TTC23L: variants seen among roughly 807,000 people sequenced by gnomAD.
The protein encoded by TTC23L is tetratricopeptide repeat protein 23-like.
In TTC23L, 42 loss-of-function variants were observed where a neutral mutation model predicts 48.1. The ratio of observed to expected loss-of-function variants is 0.87; its 90% CI spans 0.68 to 1.13. The LOEUF (loss-of-function observed/expected upper bound fraction) is 1.13, where lower values mean the gene tolerates loss of function less well. Among genes scored for constraint, TTC23L ranks in the 50% most tolerant of loss-of-function variants. The probability of loss-of-function intolerance (pLI) is 0.00; values close to 1 mark genes in which losing one functional copy is unlikely to be tolerated. For missense variants in TTC23L, 391 were observed against 421.0 expected (o/e 0.93, Z 0.62); for synonymous variants, 159 against 157.2 (o/e 1.01, Z -0.09).
chr5:34,908,979 T>G, the TTC23L span: 2 of 1,559,478 alleles, frequency 1.3e-6, no homozygotes, highest in African/African-American at 1.4e-5. Flanking sequence ...CGCTGTTATA[T>G]CAACACAGTG....
In TTC23L at chr5:34,896,692, T is replaced by G. The variant is rs1407805229; in HGVS notation, c.1078-78T>G. 4 of 738,534 alleles carry G rather than the reference T, an allele frequency of 5.4e-6. No individual in the cohort carries two copies. In the East Asian group the frequency reaches 1.0e-4, roughly 19 times the overall value. 45.7% of individuals were successfully genotyped at this position (738,534 alleles called of 1,614,324 possible). On this transcript the variant is annotated intron_variant, in intron 9 of 10. Coordinates refer to ENST00000505624, the Ensembl canonical transcript of TTC23L. ...TTAAGTTCTGGAATAGCATTCTCAG[T>G]GCAATGAAAGGAGAGACAATCTATG...
the TTC23L span, chr5:34,915,310 A>G: frequency 2.9e-5 from 8 of 272,098 alleles, no homozygotes; most frequent in Non-Finnish European, 7.0e-6. Context: ...GCGGGCCCGG[A>G]GTGTCCAGAT....
At chr5:34,883,254 A>C (rs993958862) in intron 9 of TTC23L, 1 of 159,682 alleles carries the variant, frequency 6.3e-6, no homozygotes, top group Non-Finnish European at 1.4e-5. Flanking sequence ...GAGAGCCTAC[A>C]TTGTTATCCA....
intron 4 of TTC23L, chr5:34,861,645 A>C (rs748518336): frequency 6.6e-6 from 1 of 152,228 alleles, no homozygotes; most frequent in African/African-American, 2.4e-5. Context: ...TGAGGGCTGC[A>C]GGTATCAAAG....
At position 34,867,307 on chromosome 5, in the gene TTC23L, C is replaced by T. The variant is rs1398012137; in HGVS notation, c.840+238C>T. 3 of 549,436 alleles carry T rather than the reference C, an allele frequency of 5.5e-6. No individual in the cohort carries two copies. In the African/African-American group the frequency reaches 5.7e-5, roughly 10 times the overall value. The allele number at this position is 549,436 out of a possible 1,614,324, so 34.0% of individuals were successfully genotyped here. On this transcript the variant is annotated intron_variant, in intron 7 of 10. Coordinates refer to ENST00000505624, the Ensembl canonical transcript of TTC23L. ...GTCATTGGCTGTGCAGACAGCACTT[C>T]CCCCTCCCCCTCTTATCTCTGTTGG...
chr5:34,859,806 T>C (rs999153559), intron 4 of TTC23L, among the ~76,000 whole-genome samples: 2 of 150,864 alleles, frequency 1.3e-5, no homozygotes, highest in African/African-American at 4.9e-5. Context: ...GCTTATACGT[T>C]TTTCTTTTTT....
the TTC23L span, chr5:34,913,428 T>A: frequency 8.5e-7 from 1 of 1,182,380 alleles, no homozygotes; most frequent in Middle Eastern, 2.4e-4. Context: ...TTCTGACCAC[T>A]ATGTATAACA....
At chr5:34,904,222 G>A (rs1324803518), downstream of TTC23L, among the ~76,000 whole-genome samples, 11 of 151,220 alleles carry the variant, frequency 7.3e-5, no homozygotes, top group African/African-American at 1.7e-4. Context: ...CTCCTGCCTC[G>A]GCCTCCCAAA....
chr5:34,882,488 A>C (rs958845058), intron 9 of TTC23L, among the ~76,000 whole-genome samples: 8 of 152,182 alleles, frequency 5.3e-5, no homozygotes, highest in Admixed American at 1.3e-4. Flanking sequence ...GAAACTGCTG[A>C]ATTTTATAAC....
chr5:34,917,077 G>A, the TTC23L span, among the ~76,000 whole-genome samples: 1 of 152,072 alleles, frequency 6.6e-6, no homozygotes, highest in Non-Finnish European at 1.5e-5. Flanking sequence ...TAGCCCGTAA[G>A]CTGCATATCA....
At chr5:34,924,776 AG>A in the TTC23L span, 2 of 933,446 alleles carry the variant, frequency 2.1e-6, no homozygotes, top group African/African-American at 3.3e-5. Context: ...ATTTATAATG[AG>A]GTTATAGCCA....
At chr5:34,922,979 T>TA in the TTC23L span, 3 of 1,475,498 alleles carry the variant, frequency 2.0e-6, no homozygotes, top group Non-Finnish European at 2.8e-6. Context: ...TGTTAAATAA[T>TA]ATGCTTACCT....
the TTC23L span, chr5:34,908,967 A>G: frequency 1.9e-6 from 3 of 1,586,706 alleles, no homozygotes; most frequent in Non-Finnish European, 2.6e-6. Context: ...GAAAAAATAA[A>G]ACGCTGTTAT....
At chr5:34,893,649 T>G in intron 9 of TTC23L, among the ~76,000 whole-genome samples, 1 of 152,222 alleles carries the variant, frequency 6.6e-6, no homozygotes, top group East Asian at 1.9e-4. Flanking sequence ...CACTTCATTT[T>G]AAGTGCTTTA....
chr5:34,924,091 G>C, the TTC23L span, among the ~76,000 whole-genome samples: 2 of 152,162 alleles, frequency 1.3e-5, no homozygotes, highest in African/African-American at 4.8e-5. Flanking sequence ...TGCTCTAGAA[G>C]GCATTCAATG....
chr5:34,863,416 A>G lies in TTC23L; in HGVS notation c.536+362A>G, dbSNP rs542214221. Among the ~76,000 whole-genome samples, 2 of 152,222 alleles carry G rather than the reference A, an allele frequency of 1.3e-5. No individual in the cohort carries two copies. The highest frequency in any genetic ancestry group is 4.1e-4 in the South Asian group (2 of 4,820). ...TGTAGTGATGGAGAGAATGGGTGAT[A>G]ATTTAAAGCACAATTTGGCAAACTA... On this transcript the variant is annotated intron_variant, in intron 5 of 10. Transcript: ENST00000505624. The surrounding 1 kb of genome is among the most constrained non-coding windows in gnomAD (Gnocchi z 4.1).
At chr5:34,909,095 CT>C in the TTC23L span, 1 of 947,544 alleles carries the variant, frequency 1.1e-6, no homozygotes, top group East Asian at 2.5e-5. Context: ...AATTCATTCA[CT>C]GTTAGAACCC....
the TTC23L span, chr5:34,915,486 G>C: frequency 9.5e-6 from 4 of 420,840 alleles, no homozygotes; most frequent in Non-Finnish European, 1.7e-5. Context: ...AGGCGGCTCC[G>C]AGGAACCGCG....
At chr5:34,870,163 A>G (rs1030424106) in intron 8 of TTC23L, among the ~76,000 whole-genome samples, 2 of 151,872 alleles carry the variant, frequency 1.3e-5, no homozygotes, top group Non-Finnish European at 2.9e-5. Flanking sequence ...ATAGATTTTT[A>G]TATTATATCA....
Sources: gnomAD v4.1 joint callset for allele counts (sites outside exome capture counted in the v4.1 genomes callset) on GRCh38, gnomAD v4.1.1 for gene constraint, Gnocchi (gnomAD v3.1) non-coding constraint, MANE v1.5 for transcripts, NCBI Gene and HGNC (gene_info 2026-07-23, HGNC 2026-07-21) for gene names.